The following DGKB variants were observed in gnomAD, a reference collection of about 807,000 sequenced individuals.
DGKB encodes the protein diacylglycerol kinase beta.
In DGKB, 67 loss-of-function variants were observed where a neutral mutation model predicts 114.3. That is an observed-to-expected ratio of 0.59 (90% confidence interval 0.48 to 0.72). The LOEUF is 0.72. Among genes scored for constraint, DGKB ranks in the 30% least tolerant of loss-of-function variants. The pLI, the probability that DGKB is intolerant of heterozygous loss-of-function variation, is 0.00. For synonymous variants in DGKB, 398 were observed against 323.1 expected, an observed-to-expected ratio of 1.23 and a Z score of -2.49; for missense variants, 907 against 975.2, an observed-to-expected ratio of 0.93 and a Z score of 0.93.
intron 1 of DGKB, among the ~76,000 whole-genome samples, chr7:14,968,582 A>C (rs552196939): frequency 3.9e-5 from 6 of 152,110 alleles, no homozygotes; most frequent in Non-Finnish European, 7.4e-5. Flanking sequence ...CAAATCTCAG[A>C]CTTTGAAGGA....
intron 25 of DGKB, 33 bp from the exon 26 acceptor site, chr7:14,149,271 A>G: frequency 6.7e-7 from 1 of 1,491,596 alleles, no homozygotes; most frequent in Non-Finnish European, 9.3e-7. Context: ...AGAGAGAAAG[A>G]ATAGAGTAAT....
intron 6 of DGKB, among the ~76,000 whole-genome samples, chr7:14,713,351 A>C (rs1322827332): frequency 6.6e-6 from 1 of 152,110 alleles, no homozygotes; most frequent in Non-Finnish European, 1.5e-5. Context: ...AAGGCACTTA[A>C]GCTGGAATTT....
chr7:14,646,447 A>G (rs909384094), intron 13 of DGKB, among the ~76,000 whole-genome samples: 1 of 152,188 alleles, frequency 6.6e-6, no homozygotes, highest in African/African-American at 2.4e-5. Context: ...AAAGGATAAT[A>G]AATTGTAAAA....
chr7:14,653,128 C>T (rs986171843), intron 13 of DGKB, among the ~76,000 whole-genome samples: 3 of 149,774 alleles, frequency 2.0e-5, no homozygotes, highest in African/African-American at 7.5e-5. Context: ...CTGGAAATAC[C>T]ATTTGACCCA....
At chr7:14,648,057 G>T (rs554258863) in intron 13 of DGKB, among the ~76,000 whole-genome samples, 3 of 152,174 alleles carry the variant, frequency 2.0e-5, no homozygotes, top group African/African-American at 7.2e-5. Context: ...AGGCGGCAGC[G>T]AGGCTGGGGG....
chr7:14,615,278 A>C (rs1806303557), intron 15 of DGKB, among the ~76,000 whole-genome samples: 1 of 151,892 alleles, frequency 6.6e-6, no homozygotes, highest in African/African-American at 2.4e-5. Context: ...TTTCTCCCTA[A>C]AGTCAACATT....
intron 20 of DGKB, among the ~76,000 whole-genome samples, chr7:14,542,119 G>T (rs1481040701): frequency 2.6e-5 from 4 of 151,780 alleles, no homozygotes; most frequent in Non-Finnish European, 5.9e-5. Flanking sequence ...TTCTACAATG[G>T]TTCCTCATGG....
intron 23 of DGKB, among the ~76,000 whole-genome samples, chr7:14,256,278 C>T (rs1487343729): frequency 6.6e-6 from 1 of 151,976 alleles, no homozygotes; most frequent in Non-Finnish European, 1.5e-5. Context: ...TTTCTTCTTT[C>T]CTGGGACTTC....
At chr7:14,887,621 A>T (rs934178922) in intron 1 of DGKB, among the ~76,000 whole-genome samples, 1 of 151,770 alleles carries the variant, frequency 6.6e-6, no homozygotes, top group African/African-American at 2.4e-5. Flanking sequence ...CAAATATATT[A>T]TGTCGATAGA....
intron 2 of DGKB, among the ~76,000 whole-genome samples, chr7:14,776,795 T>C (rs1223675502): frequency 6.6e-6 from 1 of 151,754 alleles, no homozygotes; most frequent in Non-Finnish European, 1.5e-5. Flanking sequence ...CAGCACAGAG[T>C]CCCTACTGTG....
At chr7:14,396,987 T>C (rs934094722) in intron 21 of DGKB, among the ~76,000 whole-genome samples, 8 of 152,114 alleles carry the variant, frequency 5.3e-5, no homozygotes, top group African/African-American at 1.9e-4. Flanking sequence ...TTATGTTATA[T>C]GGAAATATTG....
At chr7:14,214,926 G>C (rs1484011432) in intron 23 of DGKB, among the ~76,000 whole-genome samples, 1 of 152,016 alleles carries the variant, frequency 6.6e-6, no homozygotes, top group Non-Finnish European at 1.5e-5. Flanking sequence ...ACTTCCATTC[G>C]CTCCTCCCTC....
At chr7:14,823,623 A>G (rs537040481) in intron 2 of DGKB, among the ~76,000 whole-genome samples, 1 of 152,304 alleles carries the variant, frequency 6.6e-6, no homozygotes, top group South Asian at 2.1e-4. Flanking sequence ...GGGAAAAAGA[A>G]AAAAACAATG....
intron 21 of DGKB, among the ~76,000 whole-genome samples, chr7:14,422,569 A>C (rs1477784282): frequency 1.3e-5 from 2 of 151,994 alleles, no homozygotes; most frequent in East Asian, 3.9e-4. Context: ...AAATACCCAA[A>C]ACTGTCTTGA....
intron 21 of DGKB, among the ~76,000 whole-genome samples, chr7:14,417,307 GAACAA>G (rs1825862042): frequency 6.6e-6 from 1 of 151,800 alleles, no homozygotes; most frequent in African/African-American, 2.4e-5. Flanking sequence ...TGCTGTATTA[GAACAA>G]AATAAAAACT....
chr7:14,304,684 A>G (rs1392337069), intron 23 of DGKB, among the ~76,000 whole-genome samples: 1 of 152,136 alleles, frequency 6.6e-6, no homozygotes, highest in Admixed American at 6.6e-5. Context: ...CTGATTTTCA[A>G]TTTTTAACCT....
chr7:14,190,462 T>C (rs1371107312), intron 23 of DGKB, among the ~76,000 whole-genome samples: 2 of 151,912 alleles, frequency 1.3e-5, no homozygotes, highest in Non-Finnish European at 2.9e-5. Flanking sequence ...AATCCAACAA[T>C]GCATCTCAAA....
chr7:14,954,151 C>T (rs940377715), intron 1 of DGKB, among the ~76,000 whole-genome samples: 1 of 152,000 alleles, frequency 6.6e-6, no homozygotes, highest in African/African-American at 2.4e-5. Context: ...GGCCTGTTTG[C>T]CTAAGTCAAT....
At chr7:14,764,550 A>C (rs1240693234) in intron 2 of DGKB, among the ~76,000 whole-genome samples, 3 of 151,952 alleles carry the variant, frequency 2.0e-5, no homozygotes, top group Non-Finnish European at 4.4e-5. Flanking sequence ...ATTAGCCTAC[A>C]TCTCCATGAC....
Sources: allele counts gnomAD v4.1 joint callset (sites outside exome capture counted in the v4.1 genomes callset), GRCh38; gene constraint gnomAD v4.1.1; transcripts MANE v1.5; gene names NCBI Gene and HGNC (gene_info 2026-07-23, HGNC 2026-07-21).